The following ZFC3H1 variants were observed in gnomAD, a reference collection of about 807,000 sequenced individuals.
ZFC3H1 encodes zinc finger C3H1-type containing.
A neutral mutation model predicts 243.7 loss-of-function variants in ZFC3H1; 71 were observed. The observed-to-expected ratio is 0.29, with a 90% confidence interval of 0.24 to 0.36. The LOEUF (loss-of-function observed/expected upper bound fraction) is 0.36, where lower values mean the gene tolerates loss of function less well. Among genes scored for constraint, ZFC3H1 ranks in the 10% least tolerant of loss-of-function variants. The probability of loss-of-function intolerance (pLI) is 1.00; values close to 1 mark genes in which losing one functional copy is unlikely to be tolerated. For synonymous variants in ZFC3H1, 838 were observed against 813.0 expected (o/e 1.03, Z -0.52); for missense variants, 1,966 against 2,317.1 (o/e 0.85, Z 3.11).
Position 71,645,047 on chromosome 12 carries a change from G to T in ZFC3H1, c.1109C>A (p.Ser370Tyr). ...AGCCAAAAGGCGAAGCTGTAATTCA[G>T]ATAGTTCCTCTTCATCTTCACCAAG... ...KKLGEDEEELSELQLRLLALQ... is the reference protein window; with the variant it reads ...KKLGEDEEELYELQLRLLALQ... The change falls in exon 4 of 35, where the codon TCT (serine) becomes TAT (tyrosine). Residue 370 changes from serine to tyrosine, a missense_variant. By Grantham distance (144) the Ser-to-Tyr change is moderately radical. Coordinates refer to ENST00000378743, the MANE Select transcript of ZFC3H1 (RefSeq NM_144982.5). 6.2e-7 allele frequency: 1 copy of T among 1,611,576 alleles called. No individual in the cohort carries two copies. The highest frequency in any genetic ancestry group is 8.5e-7 in the Non-Finnish European group (1 of 1,179,490).
In ZFC3H1 at chr12:71,663,793, G is replaced by C. The variant is rs1203831881; in HGVS notation, c.-183C>G. The C allele has an allele frequency of 2.2e-5, 15 of 673,066 alleles. No homozygotes were observed. In the African/African-American group the frequency reaches 2.4e-4, roughly 11 times the overall value. The allele number at this position is 673,066 out of a possible 1,614,324, so 41.7% of individuals were successfully genotyped here. ...CACCCCAGCTCTCTCTCGCCGGACC[G>C]TCGCAACCCAGTTCCCTTTCCTAGC... On this transcript the variant is annotated 5_prime_UTR_variant, in exon 1 of 35. Coordinates refer to ENST00000378743, the MANE Select transcript of ZFC3H1 (RefSeq NM_144982.5).
At chr12:71,620,382 C>G in intron 24 of ZFC3H1, 67 bp from the exon 25 acceptor site, 2 of 1,524,370 alleles carry the variant, frequency 1.3e-6, no homozygotes, top group East Asian at 4.5e-5. Context: ...GACTGTGTTA[C>G]TTCAACTCTG....
rs899582550 is a variant in ZFC3H1 at position 71,628,884 on chromosome 12, A to G, written c.3946+34T>C. 5.1e-6 allele frequency: 8 copies of G among 1,557,186 alleles called. No homozygotes were observed. The African/African-American group carries it at 5.6e-5, about 11-fold the overall frequency. ...AATAAAGATGGAACACCACAATTTA[A>G]TAATTCTGGATCTTAAATTACATAA... On this transcript the variant is annotated intron_variant, in intron 20 of 34. Transcript: ENST00000378743.
rs1250226534 is a variant in ZFC3H1, at chr12:71,635,724, C to T, written c.2101-144G>A. 9.8e-6 allele frequency: 6 copies of T among 610,072 alleles called. No homozygotes were observed. In the East Asian group the frequency reaches 2.0e-4, roughly 20 times the overall value. The allele number at this position is 610,072 out of a possible 1,614,324, so 37.8% of individuals were successfully genotyped here. On this transcript the variant is annotated intron_variant, in intron 9 of 34. Transcript: ENST00000378743. ...TGTATTACATAATCCACTGAGTCGA[C>T]CAATACTGGTTATATGACTGAGACA... is the stretch of plus-strand genomic sequence containing the variant.
chr12:71,657,169 T>G lies in ZFC3H1; in HGVS notation c.731A>C (p.Lys244Thr). ...GCTACTCAATGCTAGTTTTTCATCC[T>G]TATTGATGCATTCTAGTTCCAACTG... ...QIQLELECIN[K>T]DEKLALSSKE... Residue 244 changes from lysine to threonine, a missense_variant, in exon 2 of 35, where the codon AAG (lysine) becomes ACG (threonine). Lys to Thr is a moderately conservative substitution (Grantham distance 78, BLOSUM62 -1). This residue lies in a region of ZFC3H1 where 484 missense variants were observed against 449.7 expected (regional missense o/e 1.08). Transcript: ENST00000378743. 6.2e-7 allele frequency: 1 copy of G among 1,613,948 alleles called. No individual in the cohort carries two copies. Among genetic ancestry groups the G allele is most frequent in the African/African-American group, 1.3e-5 (1 of 75,062 alleles).
Position 71,663,406 on chromosome 12 carries a change from C to G in ZFC3H1, c.205G>C (p.Gly69Arg). Residue 69 changes from glycine (G) to arginine (R), a missense_variant, in exon 1 of 35, where the codon GGC (glycine) becomes CGC (arginine). This residue lies in a region of ZFC3H1 where 484 missense variants were observed against 449.7 expected (regional missense o/e 1.08). Transcript: ENST00000378743. ...HSARGGGSGG[G>R]GGSSSSSSSS... ...GACGATGACGAGGAAGAGCCACCGC[C>G]TCCGCCAGATCCACCGCCCCGGGCC... 6.2e-7 allele frequency: 1 copy of G among 1,612,006 alleles called. No homozygotes were observed. Among genetic ancestry groups the G allele is most frequent in the South Asian group, 1.1e-5 (1 of 91,088 alleles).
At chr12:71,638,551 G>C in intron 6 of ZFC3H1, 36 bp from the exon 7 acceptor site, 1 of 1,465,322 alleles carries the variant, frequency 6.8e-7, no homozygotes, top group Non-Finnish European at 9.4e-7. Flanking sequence ...TTTAATAACA[G>C]AAATACTTCA....
At chr12:71,632,595 C>T (rs1321706976) in intron 14 of ZFC3H1, 81 bp from the exon 15 acceptor site, 69 of 1,441,940 alleles carry the variant, frequency 4.8e-5, no homozygotes, top group Non-Finnish European at 6.1e-5. Context: ...GTGCTATCCC[C>T]ACCATACAAT....
At chr12:71,635,602 T>C in intron 9 of ZFC3H1, 22 bp from the exon 10 acceptor site, 1 of 1,513,808 alleles carries the variant, frequency 6.6e-7, no homozygotes. Context: ...ATATATTTAT[T>C]ACTCGTGATA....
At chr12:71,644,404 T>C in intron 4 of ZFC3H1, 86 bp from the exon 5 acceptor site, 2 of 1,367,766 alleles carry the variant, frequency 1.5e-6, no homozygotes, top group South Asian at 2.9e-5. Context: ...CATTATTGAT[T>C]AATCAGTGAT....
chr12:71,636,703 T>G, intron 8 of ZFC3H1, 49 bp from the exon 9 acceptor site: 2 of 1,565,892 alleles, frequency 1.3e-6, no homozygotes, highest in South Asian at 1.2e-5. Context: ...AAAAATAAAT[T>G]TCTGCCACCT....
At chr12:71,639,946 G>A (rs1237238192) in intron 6 of ZFC3H1, among the ~76,000 whole-genome samples, 1 of 152,086 alleles carries the variant, frequency 6.6e-6, no homozygotes, top group African/African-American at 2.4e-5. Context: ...ATTTATTTTT[G>A]AGACAGAGTC....
At chr12:71,644,412 G>T in intron 4 of ZFC3H1, 94 bp from the exon 5 acceptor site, 2 of 1,290,636 alleles carry the variant, frequency 1.5e-6, no homozygotes, top group Non-Finnish European at 2.1e-6. Context: ...ATTAATCAGT[G>T]ATGATGCTCC....
At chr12:71,615,797 C>T (rs1308765688) in intron 27 of ZFC3H1, among the ~76,000 whole-genome samples, 2 of 152,120 alleles carry the variant, frequency 1.3e-5, no homozygotes, top group Non-Finnish European at 2.9e-5. Flanking sequence ...GGATTACAGG[C>T]ATGAGCTGCT....
chr12:71,619,335 A>G lies in ZFC3H1; in HGVS notation c.5124T>C (p.Tyr1708=), dbSNP rs2137519565. The part of the protein sequence containing the change: ...ASFFKPGFEK[Y]NNLDLFRYLL... ...CTTACCGAAACAGATCCAAGTTATT[A>G]TACTTCTCAAACCCCGGTTTAAAGA... The change falls in exon 27 of 35, where the codon TAT becomes TAC. Residue 1708 remains tyrosine, a synonymous_variant. Coordinates refer to ENST00000378743, the MANE Select transcript of ZFC3H1 (RefSeq NM_144982.5). 1 of 1,613,748 alleles carries G rather than the reference A, an allele frequency of 6.2e-7. No homozygotes were observed. The highest frequency in any genetic ancestry group is 8.5e-7 in the Non-Finnish European group (1 of 1,179,808).
In ZFC3H1 at chr12:71,644,313, G is replaced by C. The variant is rs1274801419; in HGVS notation, c.1285C>G (p.Gln429Glu). Residue 429 changes from glutamine (Q) to glutamate (E), a missense_variant, in exon 5 of 35, where the codon CAA becomes GAA. Gln to Glu is a conservative substitution (Grantham distance 29). Around this residue, in one of 4 missense-constraint regions of ZFC3H1, gnomAD observed 91 missense variants for 107.6 expected, o/e 0.85. Coordinates refer to ENST00000378743, the MANE Select transcript of ZFC3H1 (RefSeq NM_144982.5). ...SAKKVSTTAK[Q>E]ALRKQQTKAW... ...TTTGTTTGCTGCTTCCTCAATGCTT[G>C]TTTAGCTTTAAATAAAAAACACATA... 1 of 1,611,340 alleles carries C rather than the reference G, an allele frequency of 6.2e-7. No individual in the cohort carries two copies. Among genetic ancestry groups the C allele is most frequent in the Admixed American group, 1.7e-5 (1 of 59,580 alleles).
At chr12:71,622,774 G>A (rs187667488) in intron 24 of ZFC3H1, among the ~76,000 whole-genome samples, 276 of 152,170 alleles carry the variant, frequency 1.8e-3, no homozygotes, top group African/African-American at 5.9e-3. Context: ...TCTCTTTTAC[G>A]TAGCATACAA....
intron 9 of ZFC3H1, among the ~76,000 whole-genome samples, chr12:71,636,242 G>A (rs953812763): frequency 1.3e-5 from 2 of 152,116 alleles, no homozygotes; most frequent in Non-Finnish European, 2.9e-5. Flanking sequence ...TCAGAGGAAA[G>A]TACACCACTC....
chr12:71,614,969 T>G, intron 28 of ZFC3H1, 31 bp from the exon 29 acceptor site: 2 of 1,509,362 alleles, frequency 1.3e-6, no homozygotes, highest in Non-Finnish European at 1.8e-6. Flanking sequence ...AACATATGTC[T>G]ATCATTCATT....
Sources: allele counts gnomAD v4.1 joint callset (sites outside exome capture counted in the v4.1 genomes callset), GRCh38; gene constraint gnomAD v4.1.1; regional missense constraint gnomAD v4.1.1; transcripts MANE v1.5; gene names NCBI Gene and HGNC (gene_info 2026-07-23, HGNC 2026-07-21).